NTRK2: variants seen among roughly 807,000 people sequenced by gnomAD.
The protein encoded by NTRK2 is BDNF/NT-3 growth factors receptor.
A neutral mutation model predicts 94.5 loss-of-function variants in NTRK2; 13 were observed. That is an observed-to-expected ratio of 0.14 (90% CI 0.09 to 0.22). NTRK2 has a LOEUF of 0.22. Among genes scored for constraint, NTRK2 ranks in the 10% least tolerant of loss-of-function variants. NTRK2 has a pLI of 1.00. For synonymous variants in NTRK2, 372 were observed against 407.4 expected (o/e 0.91, Z 1.05); for missense variants, 639 against 1,071.2 (o/e 0.60, Z 5.63).
intron 17 of NTRK2, among the ~76,000 whole-genome samples, chr9:84,970,353 G>A (rs894287921): frequency 1.3e-5 from 2 of 150,330 alleles, no homozygotes; most frequent in South Asian, 2.1e-4. Flanking sequence ...CCAGCCTGGG[G>A]GACAGAGTGC....
intron 12 of NTRK2, among the ~76,000 whole-genome samples, chr9:84,859,340 C>T (rs971086673): frequency 2.6e-5 from 4 of 152,168 alleles, no homozygotes; most frequent in East Asian, 1.9e-4. Flanking sequence ...CACACTTCTA[C>T]CCTCTCAAAT....
intron 12 of NTRK2, among the ~76,000 whole-genome samples, chr9:84,757,989 A>G (rs1361490032): frequency 1.3e-5 from 2 of 152,112 alleles, no homozygotes; most frequent in Non-Finnish European, 2.9e-5. Flanking sequence ...ACTCTGATCT[A>G]TACTGAATAT....
At chr9:84,811,330 G>GA (rs982465576) in intron 12 of NTRK2, 32 of 1,064,510 alleles carry the variant, frequency 3.0e-5, no homozygotes, top group African/African-American at 2.5e-4. Flanking sequence ...AGAAGAAGAA[G>GA]AAAAAAAACA....
intron 2 of NTRK2, among the ~76,000 whole-genome samples, chr9:84,691,183 A>G (rs966715021): frequency 2.0e-5 from 3 of 152,248 alleles, no homozygotes; most frequent in African/African-American, 7.2e-5. Flanking sequence ...TTTGTCTGGC[A>G]GTGTATTCCA....
intron 12 of NTRK2, among the ~76,000 whole-genome samples, chr9:84,776,796 A>T (rs1487599218): frequency 6.6e-6 from 1 of 152,198 alleles, no homozygotes; most frequent in Non-Finnish European, 1.5e-5. Flanking sequence ...AGGAACCCTG[A>T]ATTTAGGGAA....
intron 2 of NTRK2, among the ~76,000 whole-genome samples, chr9:84,692,891 A>G (rs919474323): frequency 7.2e-5 from 11 of 152,168 alleles, no homozygotes; most frequent in African/African-American, 2.7e-4. Flanking sequence ...TTGGAGCATT[A>G]AAGTCTCTTA....
chr9:84,840,415 G>A (rs1040283615), intron 12 of NTRK2, among the ~76,000 whole-genome samples: 2 of 151,762 alleles, frequency 1.3e-5, no homozygotes, highest in African/African-American at 4.8e-5. Context: ...AGCCTCCCCA[G>A]ACCATATGCC....
chr9:84,699,149 G>A (rs2060567787), intron 2 of NTRK2, among the ~76,000 whole-genome samples: 1 of 151,390 alleles, frequency 6.6e-6, no homozygotes. Flanking sequence ...CCATTCTCCT[G>A]CCTCAGCCTC....
intron 6 of NTRK2, among the ~76,000 whole-genome samples, chr9:84,720,527 A>G (rs150860857): frequency 6.6e-6 from 1 of 152,332 alleles, no homozygotes; most frequent in East Asian, 1.9e-4. Context: ...ATTGGCCAAT[A>G]ATATTGTCCT....
At chr9:84,741,317 A>T (rs1431514476) in intron 9 of NTRK2, among the ~76,000 whole-genome samples, 1 of 152,232 alleles carries the variant, frequency 6.6e-6, no homozygotes, top group Admixed American at 6.5e-5. Context: ...TAGAGGAAGT[A>T]CATTTTATTT....
intron 14 of NTRK2, among the ~76,000 whole-genome samples, chr9:84,916,213 T>C (rs2034106): frequency 0.068 from 10,378 of 151,824 alleles, 1,063 homozygotes; most frequent in African/African-American, 0.22. Context: ...CTCCCAAAAG[T>C]AGCATCCCAC....
chr9:84,940,740 A>C (rs899600715), intron 15 of NTRK2, among the ~76,000 whole-genome samples: 1 of 152,174 alleles, frequency 6.6e-6, no homozygotes, highest in Admixed American at 6.5e-5. Flanking sequence ...CAGTTTAAAA[A>C]AAAAAAACAT....
chr9:84,910,262 C>T (rs573106783), intron 14 of NTRK2, among the ~76,000 whole-genome samples: 2 of 152,222 alleles, frequency 1.3e-5, no homozygotes, highest in African/African-American at 4.8e-5. Flanking sequence ...GAAACGTATT[C>T]TCTCATAGCT....
Position 84,925,717 on chromosome 9 carries a change from C to T in NTRK2, c.1634-8445C>T, listed in dbSNP as rs181281185. Among the ~76,000 whole-genome samples, 41 of 152,222 alleles carry T rather than the reference C, an allele frequency of 2.7e-4. 1 individual carries two copies. Among genetic ancestry groups the T allele is most frequent in the Admixed American group, 1.8e-3 (27 of 15,306 alleles). ...GATGGATGAGGGATGGGAAGGAGCC[C>T]GCCCTCAGCTCTGTACCAGCCTCTG... On this transcript the variant is annotated intron_variant, in intron 14 of 18. Coordinates refer to ENST00000277120, the MANE Select transcript of NTRK2 (RefSeq NM_006180.6).
intron 9 of NTRK2, among the ~76,000 whole-genome samples, chr9:84,737,857 C>T (rs1029829977): frequency 6.6e-6 from 1 of 151,488 alleles, no homozygotes; most frequent in Non-Finnish European, 1.5e-5. Context: ...GGACTGGCTA[C>T]TCACTTTCGG....
chr9:84,843,137 A>G (rs890948522), intron 12 of NTRK2, among the ~76,000 whole-genome samples: 2 of 152,208 alleles, frequency 1.3e-5, no homozygotes, highest in African/African-American at 4.8e-5. Flanking sequence ...CCTCATGCGT[A>G]TAAAGAACTC....
chr9:84,879,853 C>A (rs2076202315), intron 14 of NTRK2, among the ~76,000 whole-genome samples: 1 of 152,042 alleles, frequency 6.6e-6, no homozygotes, highest in Non-Finnish European at 1.5e-5. Flanking sequence ...GAGGAGTGTC[C>A]ACATGGTGGG....
intron 12 of NTRK2, among the ~76,000 whole-genome samples, chr9:84,788,800 T>C (rs528687079): frequency 1.3e-5 from 2 of 152,198 alleles, no homozygotes; most frequent in South Asian, 4.1e-4. Context: ...CTTTGCGAGC[T>C]ACCTTGAGTT....
Position 85,023,898 on chromosome 9 carries a change from G to A in NTRK2, c.*2461G>A, listed in dbSNP as rs1358121369. ...GAATAAAGTAGGTAATAATTTAAGGGATCAAATTCAAGGAGGAATGTGCAA... is the reference window on the plus strand; with the variant it reads ...GAATAAAGTAGGTAATAATTTAAGGAATCAAATTCAAGGAGGAATGTGCAA... On this transcript the variant is annotated 3_prime_UTR_variant, in exon 19 of 19. Transcript: ENST00000277120. 1.7e-5 allele frequency: 4 copies of A among 229,584 alleles called. No individual in the cohort carries two copies. In the East Asian group the frequency reaches 2.5e-4, roughly 14 times the overall value. 14.2% of individuals were successfully genotyped at this position (229,584 alleles called of 1,614,324 possible).
Sources: gnomAD v4.1 joint callset for allele counts (sites outside exome capture counted in the v4.1 genomes callset) on GRCh38, gnomAD v4.1.1 for gene constraint, MANE v1.5 for transcripts, NCBI Gene and HGNC (gene_info 2026-07-23, HGNC 2026-07-21) for gene names.